ABHD3: variants seen among roughly 807,000 people sequenced by gnomAD.
ABHD3 encodes abhydrolase domain containing 3, phospholipase.
A neutral mutation model predicts 48.8 loss-of-function variants in ABHD3; 46 were observed. The observed-to-expected ratio is 0.94, with a 90% confidence interval of 0.74 to 1.20. The LOEUF is 1.20. Among genes scored for constraint, ABHD3 ranks in the 50% most tolerant of loss-of-function variants. The pLI, the probability that ABHD3 is intolerant of heterozygous loss-of-function variation, is 0.00. For missense variants in ABHD3, 490 were observed against 497.8 expected (o/e 0.98, Z 0.15); for synonymous variants, 192 against 183.7 (o/e 1.04, Z -0.36).
Position 21,703,690 on chromosome 18 carries a change from G to T in ABHD3, c.220C>A (p.Pro74Thr), listed in dbSNP as rs779156351. The T allele has an allele frequency of 2.5e-6, 4 of 1,614,084 alleles. No individual in the cohort carries two copies. In the South Asian group the frequency reaches 4.4e-5, roughly 18 times the overall value. The change falls in exon 2 of 9, where the codon CCC (proline) becomes ACC (threonine). Residue 74 changes from proline (P) to threonine (T), a missense_variant. By Grantham distance (38) the Pro-to-Thr change is conservative. Transcript: ENST00000289119. ...SFSRFLQDHC[P>T]VVTETYYPTV... The stretch of plus-strand genomic sequence containing the variant: ...GGGTAGTACGTTTCTGTAACCACGG[G>T]ACAGTGGTCTTGAAGGAAGCGGCTG...
At chr18:21,660,132 A>T (rs1461073015) in intron 5 of ABHD3, among the ~76,000 whole-genome samples, 32 of 82,132 alleles carry the variant, frequency 3.9e-4, no homozygotes, top group African/African-American at 2.3e-3. Flanking sequence ...CAGCTAATTA[A>T]AAAAAAAAAA....
At chr18:21,676,330 T>C (rs192293348) in intron 4 of ABHD3, among the ~76,000 whole-genome samples, 6 of 152,362 alleles carry the variant, frequency 3.9e-5, no homozygotes, top group South Asian at 4.1e-4. Flanking sequence ...CATTTCACAA[T>C]GTATACATAT....
At chr18:21,652,904 T>G (rs1468393346) in intron 8 of ABHD3, among the ~76,000 whole-genome samples, 1 of 133,040 alleles carries the variant, frequency 7.5e-6, no homozygotes, top group Admixed American at 7.5e-5. Context: ...AATACAAAAA[T>G]TGGCTGGGCG....
intron 4 of ABHD3, among the ~76,000 whole-genome samples, chr18:21,668,705 G>T (rs1022775950): frequency 2.6e-5 from 4 of 152,072 alleles, no homozygotes; most frequent in Admixed American, 6.6e-5. Flanking sequence ...ATCATTATCT[G>T]GTACCCTCAG....
intron 3 of ABHD3, among the ~76,000 whole-genome samples, chr18:21,700,703 G>A (rs1279350142): frequency 4.6e-5 from 7 of 151,968 alleles, no homozygotes; most frequent in East Asian, 1.9e-4. Flanking sequence ...CCTGGCCCAC[G>A]TTGTTTTTAA....
chr18:21,657,127 C>T lies in ABHD3; in HGVS notation c.868G>A (p.Val290Ile), dbSNP rs1568136047. The T allele has an allele frequency of 1.2e-6, 2 of 1,611,876 alleles. No homozygotes were observed. Among genetic ancestry groups the T allele is most frequent in the East Asian group, 2.2e-5 (1 of 44,836 alleles). Residue 290 changes from valine to isoleucine, a missense_variant, in exon 7 of 9, where the codon GTT becomes ATT. Val to Ile is a conservative substitution (Grantham distance 29). Transcript: ENST00000289119. ...NKHRHMFVKQ[V>I]DMDHVMKAKS... ...ACCTTCATGACATGATCCATATCAA[C>T]TTGTTTTACAAACATATGTCGGTGC...
chr18:21,702,526 C>A, intron 2 of ABHD3, 28 bp from the exon 3 acceptor site: 1 of 1,503,294 alleles, frequency 6.7e-7, no homozygotes, highest in Non-Finnish European at 9.0e-7. Context: ...GAAGACATTA[C>A]TATTTACATG....
chr18:21,701,908 A>C (rs1265910438), intron 3 of ABHD3: 1 of 153,652 alleles, frequency 6.5e-6, no homozygotes, highest in Admixed American at 6.5e-5. Context: ...TTGGGAGCTG[A>C]GCCAGGGCGA....
At chr18:21,688,116 G>C (rs1258982966) in intron 3 of ABHD3, among the ~76,000 whole-genome samples, 1 of 152,196 alleles carries the variant, frequency 6.6e-6, no homozygotes, top group African/African-American at 2.4e-5. Flanking sequence ...TCCGGCCTGG[G>C]TGATGGAGAG....
At chr18:21,700,642 C>G (rs1208511053) in intron 3 of ABHD3, among the ~76,000 whole-genome samples, 2 of 147,528 alleles carry the variant, frequency 1.4e-5, no homozygotes, top group African/African-American at 5.1e-5. Flanking sequence ...TCAAGTGATC[C>G]ACCTGCCTCG....
intron 3 of ABHD3, among the ~76,000 whole-genome samples, chr18:21,695,532 T>C (rs1598560290): frequency 6.6e-6 from 1 of 152,082 alleles, no homozygotes; most frequent in East Asian, 1.9e-4. Context: ...ACATGTTAGG[T>C]TGGTGCAAAA....
intron 4 of ABHD3, among the ~76,000 whole-genome samples, chr18:21,677,405 C>A (rs2039908976): frequency 6.6e-6 from 1 of 150,524 alleles, no homozygotes; most frequent in Non-Finnish European, 1.5e-5. Context: ...TAGGGTTTCA[C>A]CGTGTTAGCC....
intron 3 of ABHD3, among the ~76,000 whole-genome samples, chr18:21,684,311 C>CTTTTTTTTTTTTTTTTTTTTTT (rs564516602): frequency 1.2e-5 from 1 of 82,818 alleles, no homozygotes; most frequent in African/African-American, 5.4e-5. Flanking sequence ...AATGTTTTTG[C>CTTTTTTTTTTTTTTTTTTTTTT]TTTTTTTTTT....
chr18:21,652,823 G>A (rs1848916823), intron 8 of ABHD3, among the ~76,000 whole-genome samples: 1 of 151,466 alleles, frequency 6.6e-6, no homozygotes, highest in African/African-American at 2.4e-5. Flanking sequence ...GGGAGGCTGA[G>A]GCAGGTGGAT....
chr18:21,653,305 G>A (rs182947723), intron 8 of ABHD3, among the ~76,000 whole-genome samples: 1 of 151,626 alleles, frequency 6.6e-6, no homozygotes, highest in Admixed American at 6.6e-5. Flanking sequence ...CCAGCCTGGT[G>A]ACAGAGCTAA....
intron 3 of ABHD3, among the ~76,000 whole-genome samples, chr18:21,692,873 C>A (rs755451493): frequency 2.6e-5 from 4 of 152,176 alleles, no homozygotes; most frequent in African/African-American, 4.8e-5. Flanking sequence ...AAGCAAAGTG[C>A]TCTAAATTTA....
In ABHD3 at chr18:21,651,772, C is replaced by CA. The variant is rs768303081; in HGVS notation, c.1058-10dup. The CA allele has an allele frequency of 1.1e-4, 164 of 1,472,634 alleles. No homozygotes were observed. The highest frequency in any genetic ancestry group is 3.7e-4 in the Middle Eastern group (2 of 5,454). The allele number at this position is 1,472,634 out of a possible 1,614,324, so 91.2% of individuals were successfully genotyped here. ...AGTTTCTATTGGAATAGCTTCAGACCAAAAAAAACATGGCAATAAGAGAGA... is the reference window on the plus strand; with the variant it reads ...AGTTTCTATTGGAATAGCTTCAGACCAAAAAAAAACATGGCAATAAGAGAGA... On this transcript the variant is annotated splice_polypyrimidine_tract_variant and intron_variant, in intron 8 of 8. Transcript: ENST00000289119.
At chr18:21,653,386 T>C (rs900923251) in intron 8 of ABHD3, among the ~76,000 whole-genome samples, 1 of 151,450 alleles carries the variant, frequency 6.6e-6, no homozygotes, top group African/African-American at 2.4e-5. Context: ...TGACCTCAAG[T>C]GATTTGCCTG....
chr18:21,655,571 G>T (rs986940390), intron 8 of ABHD3, among the ~76,000 whole-genome samples: 6 of 152,192 alleles, frequency 3.9e-5, no homozygotes, highest in Non-Finnish European at 7.3e-5. Flanking sequence ...GGGGTGTGGT[G>T]GCTCATGCCT....
Sources: allele counts gnomAD v4.1 joint callset (sites outside exome capture counted in the v4.1 genomes callset), GRCh38; gene constraint gnomAD v4.1.1; transcripts MANE v1.5; gene names NCBI Gene and HGNC (gene_info 2026-07-23, HGNC 2026-07-21).